Variants in KCNMA1 observed in about 807,000 individuals in gnomAD.
The protein encoded by KCNMA1 is Calcium-activated potassium channel subunit alpha-1.
Under a neutral mutation model 140.0 loss-of-function variants are expected in KCNMA1, and 29 were observed. The observed-to-expected ratio is 0.21, with a 90% confidence interval of 0.15 to 0.28. The LOEUF (loss-of-function observed/expected upper bound fraction) is 0.28. Ranked by LOEUF, KCNMA1 falls within the 10% of genes least tolerant of loss-of-function variation. The pLI is 1.00. For missense variants in KCNMA1, 880 were observed against 1,602.2 expected (o/e 0.55, Z 7.70); for synonymous variants, 612 against 611.9 (o/e 1.00, Z 0.00).
chr10:77,474,154 C>G (rs911244701), intron 1 of KCNMA1, among the ~76,000 whole-genome samples: 1 of 152,206 alleles, frequency 6.6e-6, no homozygotes, highest in Non-Finnish European at 1.5e-5. Flanking sequence ...GCAAAGTCTA[C>G]AAGAGCCAGA....
At chr10:77,267,352 C>T (rs1370462069) in intron 2 of KCNMA1, among the ~76,000 whole-genome samples, 3 of 152,114 alleles carry the variant, frequency 2.0e-5, no homozygotes, top group Admixed American at 6.6e-5. Context: ...GCAACTGAGG[C>T]CCAGAGAGCT....
chr10:77,139,734 A>G, intron 5 of KCNMA1, among the ~76,000 whole-genome samples: 1 of 152,238 alleles, frequency 6.6e-6, no homozygotes, highest in East Asian at 1.9e-4. Flanking sequence ...AAATAAAGCC[A>G]AATGCCTATC....
intron 9 of KCNMA1, among the ~76,000 whole-genome samples, chr10:77,102,583 T>A (rs952570895): frequency 1.2e-4 from 19 of 152,190 alleles, no homozygotes; most frequent in South Asian, 2.1e-4. Flanking sequence ...CTTCCTCTAG[T>A]GGAGGTAGAA....
chr10:77,258,500 C>T (rs1391965767), intron 2 of KCNMA1, among the ~76,000 whole-genome samples: 1 of 152,170 alleles, frequency 6.6e-6, no homozygotes, highest in Non-Finnish European at 1.5e-5. Context: ...CTCCTTGCCT[C>T]TGTGAGCTTT....
chr10:77,499,346 A>G (rs2042982101), intron 1 of KCNMA1, among the ~76,000 whole-genome samples: 1 of 151,830 alleles, frequency 6.6e-6, no homozygotes, highest in Non-Finnish European at 1.5e-5. Flanking sequence ...AACAAAAAAA[A>G]GTTTCTTAAC....
At chr10:77,635,250 G>T (rs4979785) in intron 1 of KCNMA1, 125 of 152,324 alleles carry the variant, frequency 8.2e-4, no homozygotes, top group African/African-American at 2.9e-3. Flanking sequence ...TTTCATTACA[G>T]ACACTGCAAT....
chr10:77,318,381 C>A (rs1033277796), intron 2 of KCNMA1, among the ~76,000 whole-genome samples: 4 of 152,130 alleles, frequency 2.6e-5, no homozygotes, highest in African/African-American at 9.7e-5. Context: ...GTGATGGAAT[C>A]CATGTGTGTT....
intron 23 of KCNMA1, among the ~76,000 whole-genome samples, chr10:76,916,369 G>A (rs2052910133): frequency 6.6e-6 from 1 of 152,228 alleles, no homozygotes; most frequent in Non-Finnish European, 1.5e-5. Flanking sequence ...AGTTTAGTGA[G>A]AGTGAGAAAT....
At chr10:77,266,913 A>G (rs986839694) in intron 2 of KCNMA1, among the ~76,000 whole-genome samples, 11 of 152,222 alleles carry the variant, frequency 7.2e-5, no homozygotes, top group African/African-American at 2.7e-4. Flanking sequence ...CTGAATATGC[A>G]GCAGAGGACC....
At chr10:76,955,641 T>G (rs1329343591) in intron 20 of KCNMA1, among the ~76,000 whole-genome samples, 3 of 152,230 alleles carry the variant, frequency 2.0e-5, no homozygotes, top group African/African-American at 7.2e-5. Flanking sequence ...CACCAGGCCA[T>G]CTTCCAAATA....
chr10:77,236,022 T>C (rs2055318728), intron 3 of KCNMA1, among the ~76,000 whole-genome samples: 1 of 152,204 alleles, frequency 6.6e-6, no homozygotes, highest in African/African-American at 2.4e-5. Context: ...TCATTTATGA[T>C]GGAGGCTTTG....
chr10:77,250,743 C>T (rs1338372927), intron 3 of KCNMA1: 3 of 199,440 alleles, frequency 1.5e-5, no homozygotes, highest in Non-Finnish European at 1.0e-5. Flanking sequence ...TAGCATCATG[C>T]TTTCTAATCT....
At chr10:77,576,684 A>G (rs2074241412) in intron 1 of KCNMA1, among the ~76,000 whole-genome samples, 1 of 152,170 alleles carries the variant, frequency 6.6e-6, no homozygotes, top group South Asian at 2.1e-4. Flanking sequence ...TGACGCTAAC[A>G]GCTGGAACAA....
At chr10:77,149,151 C>A (rs545683598) in intron 5 of KCNMA1, among the ~76,000 whole-genome samples, 1 of 152,192 alleles carries the variant, frequency 6.6e-6, no homozygotes, top group Admixed American at 6.5e-5. Context: ...AAAGTGTTTT[C>A]TTCCCTTTCT....
At chr10:77,604,452 C>T (rs2083687545) in intron 1 of KCNMA1, among the ~76,000 whole-genome samples, 1 of 152,182 alleles carries the variant, frequency 6.6e-6, no homozygotes, top group African/African-American at 2.4e-5. Context: ...CTTCTATAAT[C>T]CCAGTACTTT....
At chr10:77,059,487 T>C (rs1016315032) in intron 14 of KCNMA1, among the ~76,000 whole-genome samples, 1 of 152,014 alleles carries the variant, frequency 6.6e-6, no homozygotes, top group Non-Finnish European at 1.5e-5. Flanking sequence ...CCAACATGTA[T>C]AAGAAATAAT....
chr10:77,218,223 TACA>T (rs1426076935), intron 3 of KCNMA1, among the ~76,000 whole-genome samples: 1 of 152,116 alleles, frequency 6.6e-6, no homozygotes, highest in Non-Finnish European at 1.5e-5. Context: ...CCTTGCAAAT[TACA>T]ACGTCACTAG....
chr10:77,564,883 AAGG>A (rs1160236645), intron 1 of KCNMA1, among the ~76,000 whole-genome samples: 2 of 152,158 alleles, frequency 1.3e-5, no homozygotes, highest in African/African-American at 4.8e-5. Flanking sequence ...AGGGAGGTAA[AAGG>A]AGTTCAGAGG....
chr10:77,501,890 T>C (rs1378777529), intron 1 of KCNMA1, among the ~76,000 whole-genome samples: 1 of 152,190 alleles, frequency 6.6e-6, no homozygotes, highest in Non-Finnish European at 1.5e-5. Context: ...GAAACAGTTT[T>C]TCCACTCATA....
Sources: allele counts gnomAD v4.1 joint callset (sites outside exome capture counted in the v4.1 genomes callset), GRCh38; gene constraint gnomAD v4.1.1; transcripts MANE v1.5; gene names NCBI Gene and HGNC (gene_info 2026-07-23, HGNC 2026-07-21).